The following ZNF385B variants were observed in gnomAD, a reference collection of about 807,000 sequenced individuals.
ZNF385B encodes zinc finger protein 533.
In ZNF385B, 23 loss-of-function variants were observed where a neutral mutation model predicts 39.2. The observed-to-expected ratio is 0.59, with a 90% confidence interval of 0.42 to 0.83. The LOEUF (loss-of-function observed/expected upper bound fraction) is 0.83, where lower values mean the gene tolerates loss of function less well. ZNF385B is among the 40% of genes least tolerant of loss of function. The pLI, the probability that ZNF385B is intolerant of heterozygous loss-of-function variation, is 0.00. For synonymous variants in ZNF385B, 205 were observed against 222.6 expected (o/e 0.92, Z 0.70); for missense variants, 552 against 598.9 (o/e 0.92, Z 0.82).
intron 3 of ZNF385B, among the ~76,000 whole-genome samples, chr2:179,608,623 C>T (rs928537288): frequency 5.3e-5 from 8 of 152,030 alleles, no homozygotes; most frequent in African/African-American, 1.4e-4. Flanking sequence ...TCTAGAACAG[C>T]GATTCTCAGA....
chr2:179,688,824 T>C (rs1698131529), intron 3 of ZNF385B, among the ~76,000 whole-genome samples: 2 of 152,336 alleles, frequency 1.3e-5, no homozygotes, highest in South Asian at 4.1e-4. Context: ...TCCCAACCCC[T>C]ACCAATTGCC....
At chr2:179,752,866 T>C (rs1343479515) in intron 3 of ZNF385B, among the ~76,000 whole-genome samples, 2 of 152,122 alleles carry the variant, frequency 1.3e-5, no homozygotes, top group Admixed American at 6.5e-5. Flanking sequence ...GCAAAAATTT[T>C]CTCCCATTCT....
chr2:179,682,165 C>A (rs1248034018), intron 3 of ZNF385B, among the ~76,000 whole-genome samples: 1 of 152,186 alleles, frequency 6.6e-6, no homozygotes, highest in Non-Finnish European at 1.5e-5. Flanking sequence ...ACACCTTTGT[C>A]CTGCATCAGT....
chr2:179,616,995 C>G (rs1558986335), intron 3 of ZNF385B, among the ~76,000 whole-genome samples: 1 of 152,178 alleles, frequency 6.6e-6, no homozygotes. Flanking sequence ...TTAGTGACTA[C>G]AGCCTTCATA....
chr2:179,858,669 C>T (rs1044260446), intron 1 of ZNF385B, among the ~76,000 whole-genome samples: 15 of 151,866 alleles, frequency 9.9e-5, no homozygotes, highest in African/African-American at 1.9e-4. Flanking sequence ...GATAATGAAA[C>T]GGCGTGGAGG....
intron 5 of ZNF385B, among the ~76,000 whole-genome samples, chr2:179,514,769 T>C (rs2057962636): frequency 1.1e-5 from 1 of 91,810 alleles, no homozygotes; most frequent in Non-Finnish European, 2.2e-5. Flanking sequence ...GTTTTTTCAA[T>C]GTGTGGTGGT....
chr2:179,609,462 T>C (rs1467483208), intron 3 of ZNF385B, among the ~76,000 whole-genome samples: 1 of 152,218 alleles, frequency 6.6e-6, no homozygotes, highest in Non-Finnish European at 1.5e-5. Context: ...CCACATTTTC[T>C]TATCCATTAA....
chr2:179,478,469 T>A (rs1032604520), intron 6 of ZNF385B, among the ~76,000 whole-genome samples: 17 of 152,212 alleles, frequency 1.1e-4, no homozygotes, highest in Admixed American at 2.6e-4. Flanking sequence ...AAAACATATA[T>A]GTAACTGCGT....
At chr2:179,574,140 G>A (rs1685543249) in intron 3 of ZNF385B, among the ~76,000 whole-genome samples, 1 of 152,112 alleles carries the variant, frequency 6.6e-6, no homozygotes. Flanking sequence ...GATGATAGAA[G>A]TATGACTCAG....
chr2:179,663,673 G>C (rs528610476), intron 3 of ZNF385B, among the ~76,000 whole-genome samples: 5 of 127,024 alleles, frequency 3.9e-5, no homozygotes, highest in African/African-American at 1.6e-4. Flanking sequence ...TCGCGCCGCT[G>C]CATTCCATCC....
intron 1 of ZNF385B, among the ~76,000 whole-genome samples, chr2:179,828,902 A>C (rs1450013386): frequency 6.6e-6 from 1 of 152,130 alleles, no homozygotes; most frequent in Non-Finnish European, 1.5e-5. Flanking sequence ...TTTGTTAGCC[A>C]AGTACAGTGA....
chr2:179,546,203 T>A (rs896461791), intron 3 of ZNF385B, among the ~76,000 whole-genome samples: 1 of 151,632 alleles, frequency 6.6e-6, no homozygotes, highest in Admixed American at 6.6e-5. Flanking sequence ...ACCTGGCTAA[T>A]TTTTGTATTT....
chr2:179,729,005 T>C (rs1026730495), intron 3 of ZNF385B, among the ~76,000 whole-genome samples: 4 of 151,488 alleles, frequency 2.6e-5, no homozygotes, highest in African/African-American at 4.8e-5. Flanking sequence ...AGCCAAATAA[T>C]AGGCCAAATT....
intron 1 of ZNF385B, among the ~76,000 whole-genome samples, chr2:179,780,247 C>T (rs1235082137): frequency 6.6e-6 from 1 of 152,152 alleles, no homozygotes; most frequent in East Asian, 1.9e-4. Context: ...AGCAGTACTT[C>T]CAGGGTCTCC....
At chr2:179,581,906 CTGTAATACCATTTCTGA>C (rs1285545623) in intron 3 of ZNF385B, among the ~76,000 whole-genome samples, 1 of 152,162 alleles carries the variant, frequency 6.6e-6, no homozygotes, top group Non-Finnish European at 1.5e-5. Context: ...TCCCGATAAG[CTGTAATACCATTTCTGA>C]ATTGTTAGGT....
At chr2:179,736,059 CTTAT>C (rs1701736323) in intron 3 of ZNF385B, among the ~76,000 whole-genome samples, 1 of 151,796 alleles carries the variant, frequency 6.6e-6, no homozygotes, top group Admixed American at 6.6e-5. Flanking sequence ...TTAAATATAC[CTTAT>C]TTTATTATTT....
chr2:179,677,740 C>A (rs1225997804), intron 3 of ZNF385B, among the ~76,000 whole-genome samples: 9 of 152,170 alleles, frequency 5.9e-5, no homozygotes, highest in African/African-American at 2.2e-4. Context: ...TATGTTTAAT[C>A]TCTCTTCTAC....
chr2:179,503,141 T>C (rs2056918978), intron 5 of ZNF385B, among the ~76,000 whole-genome samples: 1 of 152,196 alleles, frequency 6.6e-6, no homozygotes, highest in South Asian at 2.1e-4. Flanking sequence ...TCCCCAAGTG[T>C]TGGGAAGACA....
intron 3 of ZNF385B, among the ~76,000 whole-genome samples, chr2:179,611,101 G>A (rs557949609): frequency 6.6e-6 from 1 of 152,228 alleles, no homozygotes; most frequent in African/African-American, 2.4e-5. Flanking sequence ...GTGAAAGTAA[G>A]CATCCTTTTC....
Sources: gnomAD v4.1 joint callset for allele counts (sites outside exome capture counted in the v4.1 genomes callset) on GRCh38, gnomAD v4.1.1 for gene constraint, MANE v1.5 for transcripts, NCBI Gene and HGNC (gene_info 2026-07-23, HGNC 2026-07-21) for gene names.